The following TMEM144 variants were observed in gnomAD, a reference collection of about 807,000 sequenced individuals.
TMEM144 encodes transmembrane protein 144.
TMEM144 carries 39 observed loss-of-function variants against 43.6 expected under a neutral mutation model. That is an observed-to-expected ratio of 0.90 (90% CI 0.69 to 1.17). The LOEUF is 1.17. Ranked by LOEUF, TMEM144 falls within the 50% of genes most tolerant of loss-of-function variation. The pLI is 0.00. For missense variants in TMEM144, 417 were observed against 411.9 expected (o/e 1.01, Z -0.11); for synonymous variants, 154 against 133.6 (o/e 1.15, Z -1.06).
intron 9 of TMEM144, 41 bp from the exon 10 acceptor site, chr4:158,240,258 G>T (rs1212607369): frequency 1.3e-6 from 2 of 1,577,466 alleles, no homozygotes; most frequent in Admixed American, 1.9e-5. Flanking sequence ...TATCTGGAAT[G>T]ATTAAAATGG....
intron 3 of TMEM144, among the ~76,000 whole-genome samples, chr4:158,214,254 C>T (rs1734108881): frequency 6.6e-6 from 1 of 152,098 alleles, no homozygotes; most frequent in South Asian, 2.1e-4. Context: ...TCTCGAACTC[C>T]TGAGCTCAGG....
chr4:158,215,415 C>A (rs1287028304), intron 4 of TMEM144, 102 bp downstream of exon 4: 2 of 1,402,414 alleles, frequency 1.4e-6, no homozygotes, highest in South Asian at 1.5e-5. Context: ...TTCTGAATAA[C>A]CCTTAGTCAT....
rs1302323008 is a variant in TMEM144 at position 158,255,252 on chromosome 4, CT to C, written c.*1726del. Reference sequence around the variant, plus strand: ...TAACCTGAAATGTCATTAAATTATGCTGATAAACTTTGAATAAATTGTGATA... The same window carrying C: ...TAACCTGAAATGTCATTAAATTATGCGATAAACTTTGAATAAATTGTGATA... On this transcript the variant is annotated 3_prime_UTR_variant, in exon 13 of 13. Coordinates refer to ENST00000296529, the MANE Select transcript of TMEM144 (RefSeq NM_018342.5). The C allele has an allele frequency of 1.3e-4, 19 of 151,830 alleles. 1 individual carries two copies. The highest frequency in any genetic ancestry group is 4.6e-4 in the Admixed American group (7 of 15,220). 9.4% of individuals were successfully genotyped at this position (151,830 alleles called of 1,614,324 possible). A position where few individuals can be genotyped will look rare whatever the true frequency, so the allele number is the denominator to read the frequency against.
intron 12 of TMEM144, among the ~76,000 whole-genome samples, chr4:158,245,999 G>A (rs1355731823): frequency 1.3e-5 from 2 of 152,058 alleles, no homozygotes; most frequent in African/African-American, 4.8e-5. Flanking sequence ...TCCCCTTCTA[G>A]CCAGGCATGG....
At chr4:158,230,078 T>C (rs1328545193) in intron 6 of TMEM144, among the ~76,000 whole-genome samples, 3 of 152,246 alleles carry the variant, frequency 2.0e-5, no homozygotes, top group African/African-American at 7.2e-5. Context: ...GTTGAGAATC[T>C]GCATGGCTCT....
chr4:158,245,425 C>A (rs1306812757), intron 12 of TMEM144, among the ~76,000 whole-genome samples: 1 of 151,280 alleles, frequency 6.6e-6, no homozygotes, highest in Non-Finnish European at 1.5e-5. Context: ...AAGAGTCCAA[C>A]TGGGTTCAAA....
chr4:158,249,458 T>C (rs946997084), intron 12 of TMEM144, among the ~76,000 whole-genome samples: 2 of 152,174 alleles, frequency 1.3e-5, no homozygotes, highest in African/African-American at 2.4e-5. Context: ...AGAATGTTAG[T>C]GTGCTCTTTC....
At chr4:158,243,826 T>C (rs1735742902) in intron 11 of TMEM144, among the ~76,000 whole-genome samples, 2 of 152,200 alleles carry the variant, frequency 1.3e-5, no homozygotes, top group South Asian at 4.1e-4. Flanking sequence ...AAAAAAATTT[T>C]TAAAGCACGA....
intron 1 of TMEM144, chr4:158,211,064 C>CA (rs1474589263): frequency 6.6e-6 from 1 of 152,138 alleles, no homozygotes; most frequent in East Asian, 1.9e-4. Context: ...TTCTTTTCCA[C>CA]AAAAATTTCA....
intron 11 of TMEM144, among the ~76,000 whole-genome samples, chr4:158,242,360 T>G (rs1735674572): frequency 6.7e-6 from 1 of 149,372 alleles, no homozygotes; most frequent in Non-Finnish European, 1.5e-5. Context: ...AGGACAACCT[T>G]ATCTACACAC....
chr4:158,224,022 C>A (rs1734630786), intron 6 of TMEM144, among the ~76,000 whole-genome samples: 1 of 152,202 alleles, frequency 6.6e-6, no homozygotes. Context: ...AATTTATATT[C>A]CACCAACAGT....
chr4:158,223,338 A>G (rs1734597123), intron 6 of TMEM144, among the ~76,000 whole-genome samples: 1 of 152,166 alleles, frequency 6.6e-6, no homozygotes, highest in Non-Finnish European at 1.5e-5. Flanking sequence ...TTTAGTTGAA[A>G]ACTGTCAAGT....
At chr4:158,215,360 A>C in intron 4 of TMEM144, 47 bp downstream of exon 4, 3 of 1,593,368 alleles carry the variant, frequency 1.9e-6, no homozygotes, top group Non-Finnish European at 2.6e-6. Flanking sequence ...CATAATGATA[A>C]AAATAATTCT....
intron 3 of TMEM144, among the ~76,000 whole-genome samples, chr4:158,214,868 T>C (rs1422248937): frequency 6.6e-6 from 1 of 152,200 alleles, no homozygotes; most frequent in African/African-American, 2.4e-5. Flanking sequence ...AGAAAATTCT[T>C]GATTTGTCTA....
At chr4:158,228,499 T>G (rs1734890344) in intron 6 of TMEM144, among the ~76,000 whole-genome samples, 1 of 152,236 alleles carries the variant, frequency 6.6e-6, no homozygotes, top group African/African-American at 2.4e-5. Flanking sequence ...GTTTCAGATG[T>G]CTGGACTCCA....
chr4:158,228,731 C>T (rs1422138893), intron 6 of TMEM144, among the ~76,000 whole-genome samples: 1 of 152,276 alleles, frequency 6.6e-6, no homozygotes. Flanking sequence ...CACCTCGCTT[C>T]CCGGTCAGGG....
At chr4:158,224,319 A>C (rs889661753) in intron 6 of TMEM144, among the ~76,000 whole-genome samples, 5 of 152,182 alleles carry the variant, frequency 3.3e-5, no homozygotes, top group Non-Finnish European at 5.9e-5. Context: ...AACCTTTGTC[A>C]GACAGGCAGA....
intron 6 of TMEM144, among the ~76,000 whole-genome samples, chr4:158,227,615 T>C (rs1290365432): frequency 6.6e-6 from 1 of 152,142 alleles, no homozygotes; most frequent in Non-Finnish European, 1.5e-5. Flanking sequence ...TCTTCCTCTC[T>C]CTCTTCTCGC....
chr4:158,214,656 C>T (rs979891779), intron 3 of TMEM144, among the ~76,000 whole-genome samples: 9 of 152,178 alleles, frequency 5.9e-5, no homozygotes, highest in African/African-American at 2.2e-4. Flanking sequence ...CCCGACTCAT[C>T]ATAGGCATTG....
Sources: allele counts gnomAD v4.1 joint callset (sites outside exome capture counted in the v4.1 genomes callset), GRCh38; gene constraint gnomAD v4.1.1; transcripts MANE v1.5; gene names NCBI Gene and HGNC (gene_info 2026-07-23, HGNC 2026-07-21).